Variants in PCGF3 observed in about 807,000 individuals in gnomAD.
PCGF3 encodes polycomb group ring finger 3, also known as polycomb group RING finger protein 3.
A neutral mutation model predicts 33.1 loss-of-function variants in PCGF3; 7 were observed. The ratio of observed to expected loss-of-function variants is 0.21; its 90% CI spans 0.12 to 0.40. PCGF3 has a LOEUF of 0.40. Ranked by LOEUF, PCGF3 falls within the 10% of genes least tolerant of loss-of-function variation. The pLI, the probability that PCGF3 is intolerant of heterozygous loss-of-function variation, is 1.00. For missense variants in PCGF3, 211 were observed against 313.3 expected (o/e 0.67, Z 2.46); for synonymous variants, 153 against 121.3 (o/e 1.26, Z -1.72).
intron 10 of PCGF3, among the ~76,000 whole-genome samples, chr4:765,814 C>G (rs779003806): frequency 6.6e-6 from 1 of 152,106 alleles, no homozygotes; most frequent in African/African-American, 2.4e-5. Flanking sequence ...CACTGGGTCA[C>G]CTGGGGCCAG....
chr4:727,002 A>G (rs1044946663), intron 1 of PCGF3, among the ~76,000 whole-genome samples: 2 of 152,020 alleles, frequency 1.3e-5, no homozygotes, highest in African/African-American at 4.8e-5. Flanking sequence ...GGCGTGTGGG[A>G]ACGTGTGTGC....
chr4:769,040 G>A (rs955870668), exon 11 of PCGF3: 4 of 152,682 alleles, frequency 2.6e-5, no homozygotes, highest in East Asian at 1.9e-4. Flanking sequence ...ATTATTGTGA[G>A]AATGCTGTTA....
At chr4:765,890 T>G (rs1745342536) in intron 10 of PCGF3, 142 bp from the exon 11 acceptor site, 2 of 711,582 alleles carry the variant, frequency 2.8e-6, no homozygotes. Flanking sequence ...CTTCTGTTGC[T>G]CAGAACAGAA....
At chr4:717,673 C>T (rs1000045520) in intron 1 of PCGF3, among the ~76,000 whole-genome samples, 24 of 152,174 alleles carry the variant, frequency 1.6e-4, no homozygotes, top group Non-Finnish European at 2.4e-4. Flanking sequence ...CCACCGCGCC[C>T]GGCTGTGTGT....
At chr4:727,419 T>C (rs926971559) in intron 1 of PCGF3, among the ~76,000 whole-genome samples, 5 of 152,086 alleles carry the variant, frequency 3.3e-5, no homozygotes, top group African/African-American at 9.6e-5. Flanking sequence ...TTTTTGTATT[T>C]TTAGTAGAGA....
intron 1 of PCGF3, among the ~76,000 whole-genome samples, chr4:713,240 CTGGTGGGGGCTGTGGCT>C (rs1159335658): frequency 1.0e-4 from 7 of 69,546 alleles, no homozygotes; most frequent in African/African-American, 4.6e-5. Context: ...CCTGTGTGGC[CTGGTGGGGGCTGTGGCT>C]TCATGGGTCC....
chr4:738,904 C>T (rs1182645425), intron 6 of PCGF3, among the ~76,000 whole-genome samples: 6 of 151,998 alleles, frequency 3.9e-5, no homozygotes, highest in Non-Finnish European at 8.8e-5. Context: ...GCGTTTCAAA[C>T]GCTTAGCAGT....
chr4:728,208 G>C (rs1449752068), intron 1 of PCGF3, among the ~76,000 whole-genome samples: 1 of 152,210 alleles, frequency 6.6e-6, no homozygotes, highest in Non-Finnish European at 1.5e-5. Context: ...AGTCAACACA[G>C]ATTGAAAATG....
intron 1 of PCGF3, chr4:722,364 C>A: frequency 5.1e-6 from 1 of 195,888 alleles, no homozygotes; most frequent in Non-Finnish European, 1.1e-5. Context: ...CATCCCGCAG[C>A]TAAATGACAG....
At position 720,752 on chromosome 4, in the gene PCGF3, C is replaced by T. The variant is rs1342333056; in HGVS notation, c.-189-9878C>T. ...CGTGCGTGTGGACCCGGCGTGGACG[C>T]AGCCCCGACGTGAATGGATGTGGTT... On this transcript the variant is annotated intron_variant, in intron 1 of 10. Transcript: ENST00000362003. This position sits in a 1 kb window ranked among gnomAD's most constrained non-coding sequence, Gnocchi z 5.6. Among the ~76,000 whole-genome samples the T allele has an allele frequency of 6.6e-6, 1 of 151,334 alleles. No homozygotes were observed.
At chr4:734,324 G>T (rs1164748361) in intron 4 of PCGF3, 1 of 1,443,428 alleles carries the variant, frequency 6.9e-7, no homozygotes, top group Non-Finnish European at 9.1e-7. Flanking sequence ...ATGGCTGGCG[G>T]CCCTGCTGGT....
At chr4:711,443 CTTTTTTTTTTCT>C (rs1560194097) in intron 1 of PCGF3, among the ~76,000 whole-genome samples, 2 of 122,936 alleles carry the variant, frequency 1.6e-5, no homozygotes, top group Non-Finnish European at 3.5e-5. Flanking sequence ...TGTAATTTTT[CTTTTTTTTTTCT>C]TTTTTTTTTT....
At chr4:723,470 A>C (rs1462602244) in intron 1 of PCGF3, among the ~76,000 whole-genome samples, 3 of 152,110 alleles carry the variant, frequency 2.0e-5, no homozygotes, top group African/African-American at 7.2e-5. Context: ...GGCAGACCAG[A>C]GGAGGGGGTG....
intron 4 of PCGF3, chr4:734,031 C>A: frequency 6.4e-7 from 1 of 1,550,740 alleles, no homozygotes. Context: ...GGAGAGACCC[C>A]ACATTCCTCC....
Position 711,119 on chromosome 4 carries a change from G to A in PCGF3, c.-190+5149G>A, listed in dbSNP as rs550582212. Among the ~76,000 whole-genome samples the A allele has an allele frequency of 1.4e-4, 22 of 152,326 alleles. No individual in the cohort carries two copies. The East Asian group carries it at 1.5e-3, about 11-fold the overall frequency. On this transcript the variant is annotated intron_variant, in intron 1 of 10. Transcript: ENST00000362003. ...CACACCCTCCACTGCACAGGGAGCC[G>A]GACCCCATGCCTCCTTCCGGTTCTG... is the stretch of plus-strand genomic sequence containing the variant.
At chr4:764,787 G>A (rs1204729680) in intron 9 of PCGF3, 197 bp from the exon 10 acceptor site, 4 of 555,668 alleles carry the variant, frequency 7.2e-6, no homozygotes, top group Non-Finnish European at 1.3e-5. Flanking sequence ...GTTCAGCTGT[G>A]AGGTAGGGAC....
chr4:736,758 C>T (rs550521949), intron 5 of PCGF3, among the ~76,000 whole-genome samples: 179 of 124,380 alleles, frequency 1.4e-3, no homozygotes, highest in Middle Eastern at 5.1e-3. Context: ...CCGGGGTGTC[C>T]GCAGGGACGG....
intron 5 of PCGF3, among the ~76,000 whole-genome samples, chr4:736,430 C>G (rs929410837): frequency 6.6e-6 from 1 of 152,230 alleles, no homozygotes; most frequent in Non-Finnish European, 1.5e-5. Flanking sequence ...CCAGGAGACC[C>G]CAGGAAGCAC....
At chr4:763,933 T>A (rs1249401979) in intron 9 of PCGF3, among the ~76,000 whole-genome samples, 1 of 152,210 alleles carries the variant, frequency 6.6e-6, no homozygotes, top group Non-Finnish European at 1.5e-5. Context: ...AAGTCCCTGT[T>A]ACTAAGTAGA....
Sources: allele counts gnomAD v4.1 joint callset (sites outside exome capture counted in the v4.1 genomes callset), GRCh38; gene constraint gnomAD v4.1.1; non-coding constraint Gnocchi (gnomAD v3.1); transcripts MANE v1.5; gene names NCBI Gene and HGNC (gene_info 2026-07-23, HGNC 2026-07-21).